Variants in ALK observed in about 807,000 individuals in gnomAD.
The protein encoded by ALK is ALK receptor tyrosine kinase.
A neutral mutation model predicts 163.1 loss-of-function variants in ALK; 74 were observed. The ratio of observed to expected loss-of-function variants is 0.45; its 90% CI spans 0.38 to 0.55. The LOEUF (loss-of-function observed/expected upper bound fraction) is 0.55. ALK is among the 20% of genes least tolerant of loss of function. ALK has a pLI of 0.00. For synonymous variants in ALK, 960 were observed against 843.2 expected (o/e 1.14, Z -2.40); for missense variants, 2,063 against 2,105.3 (o/e 0.98, Z 0.39).
At chr2:29,643,826 G>A (rs989304995) in intron 3 of ALK, among the ~76,000 whole-genome samples, 11 of 152,148 alleles carry the variant, frequency 7.2e-5, no homozygotes, top group Non-Finnish European at 1.5e-4. Context: ...CAACCATTGT[G>A]GAAGTCAGTG....
intron 1 of ALK, among the ~76,000 whole-genome samples, chr2:29,914,918 T>C (rs1450160981): frequency 1.3e-5 from 2 of 152,248 alleles, no homozygotes; most frequent in African/African-American, 2.4e-5. Context: ...CTATATGACC[T>C]GGAAAAATAT....
intron 4 of ALK, among the ~76,000 whole-genome samples, chr2:29,463,261 T>C (rs547860678): frequency 1.3e-5 from 2 of 152,158 alleles, no homozygotes; most frequent in Non-Finnish European, 2.9e-5. Context: ...GCTCCCTTGT[T>C]TTGGATTGAC....
chr2:29,427,412 T>C (rs1267783060), intron 4 of ALK, among the ~76,000 whole-genome samples: 3 of 151,900 alleles, frequency 2.0e-5, no homozygotes, highest in East Asian at 1.9e-4. Context: ...CATTAAAAAG[T>C]GGAGGGGAAT....
intron 4 of ALK, among the ~76,000 whole-genome samples, chr2:29,433,143 A>G (rs1670320203): frequency 6.6e-6 from 1 of 152,180 alleles, no homozygotes. Flanking sequence ...TATTGAACCC[A>G]TAGTAGGGAC....
At chr2:29,670,835 T>A (rs2148269997) in intron 3 of ALK, among the ~76,000 whole-genome samples, 1 of 152,214 alleles carries the variant, frequency 6.6e-6, no homozygotes, top group Admixed American at 6.5e-5. Flanking sequence ...AGTTCTAAGG[T>A]TTCCGTTTTA....
rs992088390 is a variant in ALK at position 29,876,009 on chromosome 2, T to C, written c.667+43984A>G. Among the ~76,000 whole-genome samples, 10 of 152,266 alleles carry C rather than the reference T, an allele frequency of 6.6e-5. No homozygotes were observed. The East Asian group carries it at 1.4e-3, about 21-fold the overall frequency. ...CCCTGGCCCTCCCCACCCTTGTCTG[T>C]TTTTCTCTGCTTCATCCTCACTCTG... On this transcript the variant is annotated intron_variant, in intron 1 of 28. Coordinates refer to ENST00000389048, the MANE Select transcript of ALK (RefSeq NM_004304.5).
At chr2:29,840,954 A>G (rs59495883) in intron 1 of ALK, among the ~76,000 whole-genome samples, 3,614 of 152,148 alleles carry the variant, frequency 0.024, 129 homozygotes, top group African/African-American at 0.076. Context: ...TTATCTTTTC[A>G]CCCTCACTAT....
At chr2:29,342,877 C>CT (rs57838065) in intron 5 of ALK, among the ~76,000 whole-genome samples, 40,100 of 90,646 alleles carry the variant, frequency 0.44, 9,315 homozygotes, top group East Asian at 0.75. Flanking sequence ...GCTCAGTGAT[C>CT]TTTTTTTTTT....
intron 2 of ALK, among the ~76,000 whole-genome samples, chr2:29,714,312 C>T (rs1047486212): frequency 6.6e-6 from 1 of 151,968 alleles, no homozygotes; most frequent in African/African-American, 2.4e-5. Context: ...TCAAAAGCCA[C>T]GGAAGAGAAT....
chr2:29,548,609 C>G (rs377314581), intron 3 of ALK, among the ~76,000 whole-genome samples: 1 of 152,142 alleles, frequency 6.6e-6, no homozygotes, highest in Non-Finnish European at 1.5e-5. Context: ...GTCATCGCAG[C>G]GAAGGCTTCT....
At chr2:29,614,779 T>G (rs978200150) in intron 3 of ALK, among the ~76,000 whole-genome samples, 1 of 152,040 alleles carries the variant, frequency 6.6e-6, no homozygotes, top group Non-Finnish European at 1.5e-5. Flanking sequence ...AATCCCCCCA[T>G]CCCTGATGTT....
At chr2:29,318,593 G>A (rs1288350417) in intron 7 of ALK, among the ~76,000 whole-genome samples, 189 bp from the exon 8 acceptor site, 1 of 150,148 alleles carries the variant, frequency 6.7e-6, no homozygotes, top group Non-Finnish European at 1.5e-5. Flanking sequence ...TTGAGACAGA[G>A]TCTTGCTCTG....
intron 26 of ALK, among the ~76,000 whole-genome samples, chr2:29,201,265 A>G (rs1433621391): frequency 6.6e-6 from 1 of 152,028 alleles, no homozygotes; most frequent in Non-Finnish European, 1.5e-5. Flanking sequence ...TCAGATGCCC[A>G]CTCATTAGCT....
chr2:29,570,939 A>G (rs1221995440), intron 3 of ALK, among the ~76,000 whole-genome samples: 4 of 152,226 alleles, frequency 2.6e-5, no homozygotes, highest in Non-Finnish European at 5.9e-5. Flanking sequence ...CTTATAACAA[A>G]TAATAAAATC....
chr2:29,377,071 C>G (rs558400463), intron 5 of ALK, among the ~76,000 whole-genome samples: 57 of 152,310 alleles, frequency 3.7e-4, no homozygotes, highest in African/African-American at 1.3e-3. Context: ...AGTCTAATAG[C>G]CTTGTGCTAA....
At chr2:29,584,856 T>C (rs560220664) in intron 3 of ALK, among the ~76,000 whole-genome samples, 2 of 152,360 alleles carry the variant, frequency 1.3e-5, no homozygotes, top group Admixed American at 1.3e-4. Context: ...TAAGGATCCA[T>C]ATAAAAGATT....
intron 4 of ALK, among the ~76,000 whole-genome samples, chr2:29,476,126 C>T (rs1671514137): frequency 6.6e-6 from 1 of 152,156 alleles, no homozygotes; most frequent in Non-Finnish European, 1.5e-5. Flanking sequence ...GTTTGTTGCT[C>T]ACTTTACAGA....
At chr2:29,726,813 G>A (rs1015761622) in intron 1 of ALK, among the ~76,000 whole-genome samples, 1 of 152,186 alleles carries the variant, frequency 6.6e-6, no homozygotes, top group African/African-American at 2.4e-5. Context: ...AACAACTTTG[G>A]TAGTTAACCT....
intron 12 of ALK, among the ~76,000 whole-genome samples, chr2:29,240,273 T>C (rs949814514): frequency 6.6e-6 from 1 of 152,132 alleles, no homozygotes; most frequent in Non-Finnish European, 1.5e-5. Flanking sequence ...CCCAGATCAA[T>C]GGACTCATGT....
Sources: gnomAD v4.1 joint callset for allele counts (sites outside exome capture counted in the v4.1 genomes callset) on GRCh38, gnomAD v4.1.1 for gene constraint, MANE v1.5 for transcripts, NCBI Gene and HGNC (gene_info 2026-07-23, HGNC 2026-07-21) for gene names.